Variants in MYO1E observed in about 807,000 individuals in gnomAD.
MYO1E encodes myosin IE, also known as unconventional myosin-Ie.
In MYO1E, 68 loss-of-function variants were observed where a neutral mutation model predicts 151.1. The observed-to-expected ratio is 0.45, with a 90% confidence interval of 0.37 to 0.55. MYO1E has a LOEUF of 0.55. Among genes scored for constraint, MYO1E ranks in the 20% least tolerant of loss-of-function variants. The pLI is 0.00. For missense variants in MYO1E, 1,363 were observed against 1,389.3 expected (o/e 0.98, Z 0.30); for synonymous variants, 601 against 501.7 (o/e 1.20, Z -2.64).
At chr15:59,353,214 A>G (rs1317888787) in intron 1 of MYO1E, among the ~76,000 whole-genome samples, 5 of 151,982 alleles carry the variant, frequency 3.3e-5, no homozygotes, top group African/African-American at 1.2e-4. Context: ...CATTTAAGCC[A>G]GGTGTAGTGG....
At chr15:59,278,479 A>C (rs1002789445) in intron 1 of MYO1E, among the ~76,000 whole-genome samples, 2 of 152,100 alleles carry the variant, frequency 1.3e-5, no homozygotes, top group Non-Finnish European at 2.9e-5. Flanking sequence ...ACTGGACTGA[A>C]ACATTTACTT....
At chr15:59,368,236 T>G (rs1349850536) in intron 1 of MYO1E, among the ~76,000 whole-genome samples, 2 of 152,222 alleles carry the variant, frequency 1.3e-5, no homozygotes, top group Non-Finnish European at 2.9e-5. Flanking sequence ...TAGAATCAAG[T>G]AGTGGTGCCT....
intron 17 of MYO1E, among the ~76,000 whole-genome samples, chr15:59,192,158 G>T (rs1446536443): frequency 6.6e-6 from 1 of 152,086 alleles, no homozygotes; most frequent in Non-Finnish European, 1.5e-5. Context: ...CCCAAACCAG[G>T]ATTAAGGGTG....
Position 59,215,148 on chromosome 15 carries a change from C to T in MYO1E, c.1108-428G>A, listed in dbSNP as rs2079905243. Among the ~76,000 whole-genome samples the T allele has an allele frequency of 2.6e-5, 4 of 152,088 alleles. No individual in the cohort carries two copies. The South Asian group carries it at 8.3e-4, about 31-fold the overall frequency. ...TTTAATGATGACCCAACACAATATGCCAGGGATGCTAAGGACAAGACAACC... is the reference window on the plus strand; with the variant it reads ...TTTAATGATGACCCAACACAATATGTCAGGGATGCTAAGGACAAGACAACC... On this transcript the variant is annotated intron_variant, in intron 10 of 27. Transcript: ENST00000288235.
At chr15:59,371,958 G>T (rs1332009832) in intron 1 of MYO1E, among the ~76,000 whole-genome samples, 2 of 149,660 alleles carry the variant, frequency 1.3e-5, no homozygotes, top group Non-Finnish European at 3.0e-5. Flanking sequence ...GCGGGCCAGG[G>T]ACCGCCCCCG....
chr15:59,301,361 C>G (rs1405220288), intron 1 of MYO1E, among the ~76,000 whole-genome samples: 1 of 152,164 alleles, frequency 6.6e-6, no homozygotes, highest in East Asian at 1.9e-4. Flanking sequence ...AACAAAATTT[C>G]CCTTCTCTTT....
chr15:59,276,270 C>T (rs557102961), intron 1 of MYO1E, among the ~76,000 whole-genome samples: 1 of 152,258 alleles, frequency 6.6e-6, no homozygotes, highest in East Asian at 1.9e-4. Flanking sequence ...TGGGCTACTA[C>T]TTCATGACTC....
At chr15:59,152,221 G>T (rs1441607685) in intron 26 of MYO1E, among the ~76,000 whole-genome samples, 4 of 152,202 alleles carry the variant, frequency 2.6e-5, no homozygotes, top group African/African-American at 9.6e-5. Context: ...GCGAGACCCT[G>T]TCTCAAAAAA....
chr15:59,248,608 C>T (rs1160954478), intron 4 of MYO1E, among the ~76,000 whole-genome samples: 1 of 151,812 alleles, frequency 6.6e-6, no homozygotes, highest in Non-Finnish European at 1.5e-5. Flanking sequence ...GTGTTTATTC[C>T]TTACTAGAAG....
intron 1 of MYO1E, among the ~76,000 whole-genome samples, chr15:59,302,014 A>G (rs1407117405): frequency 1.3e-5 from 2 of 152,124 alleles, no homozygotes; most frequent in African/African-American, 4.8e-5. Context: ...CAAACAGAAC[A>G]CCTACGTAAA....
chr15:59,253,901 C>CTTTTTTT (rs34819314), intron 4 of MYO1E, among the ~76,000 whole-genome samples: 10 of 135,822 alleles, frequency 7.4e-5, no homozygotes, highest in African/African-American at 1.1e-4. Flanking sequence ...GACAAACAAC[C>CTTTTTTT]TTTTTTTTTT....
In MYO1E at chr15:59,328,884, G is replaced by A. The variant is rs114741232; in HGVS notation, c.3+43614C>T. ...GGTGTGTTACCCTCTTAGACTCTGT[G>A]GGAGGGCATTATCATCACAATTTAC... On this transcript the variant is annotated intron_variant, in intron 1 of 27. Transcript: ENST00000288235. Among the ~76,000 whole-genome samples the A allele has an allele frequency of 2.2e-3, 337 of 152,264 alleles. 2 individuals are homozygous for A. Among genetic ancestry groups the A allele is most frequent in the African/African-American group, 7.8e-3 (323 of 41,530 alleles).
chr15:59,152,080 T>A (rs1485843627), intron 26 of MYO1E, among the ~76,000 whole-genome samples: 5 of 150,024 alleles, frequency 3.3e-5, no homozygotes, highest in African/African-American at 1.2e-4. Flanking sequence ...AAAAAAAAAA[T>A]TAGCTGGGTG....
chr15:59,268,727 T>TTTTTTTTTTTTTTTTTTATTTTTTTA (rs1204402612), intron 2 of MYO1E, among the ~76,000 whole-genome samples: 13 of 132,790 alleles, frequency 9.8e-5, no homozygotes, highest in Admixed American at 3.1e-4. Context: ...GGTATTTTTT[T>TTTTTTTTTTTTTTTTTTATTTTTTTA]TTTTTTTTTT....
intron 4 of MYO1E, among the ~76,000 whole-genome samples, chr15:59,236,915 T>C (rs1306399574): frequency 6.6e-6 from 1 of 152,208 alleles, no homozygotes; most frequent in Admixed American, 6.5e-5. Context: ...TGCACACCAC[T>C]GACCATTAAG....
intron 18 of MYO1E, among the ~76,000 whole-genome samples, chr15:59,179,654 C>T (rs531156072): frequency 1.8e-4 from 27 of 152,280 alleles, no homozygotes; most frequent in South Asian, 4.1e-4. Context: ...AGCCATTAAG[C>T]GTCAGAGATG....
At chr15:59,223,227 GT>G in intron 8 of MYO1E, 36 bp from the exon 9 acceptor site, 1 of 1,613,326 alleles carries the variant, frequency 6.2e-7, no homozygotes, top group Non-Finnish European at 8.5e-7. Context: ...AGAGAAGCTG[GT>G]CACCAGCTTT....
At chr15:59,353,348 C>A (rs1430990798) in intron 1 of MYO1E, among the ~76,000 whole-genome samples, 1 of 88,824 alleles carries the variant, frequency 1.1e-5, no homozygotes, top group Non-Finnish European at 1.9e-5. Context: ...CAGATAGAGA[C>A]CCTGTCTCAA....
intron 1 of MYO1E, among the ~76,000 whole-genome samples, chr15:59,361,628 T>A (rs2080885877): frequency 6.6e-6 from 1 of 152,210 alleles, no homozygotes; most frequent in South Asian, 2.1e-4. Flanking sequence ...TGAGAAAAGA[T>A]GTTAAAACTA....
Sources: gnomAD v4.1 joint callset for allele counts (sites outside exome capture counted in the v4.1 genomes callset) on GRCh38, gnomAD v4.1.1 for gene constraint, MANE v1.5 for transcripts, NCBI Gene and HGNC (gene_info 2026-07-23, HGNC 2026-07-21) for gene names.